The following HPCAL1 variants were observed in gnomAD, a reference collection of about 807,000 sequenced individuals.
The protein encoded by HPCAL1 is hippocalcin like 1, also known as hippocalcin-like protein 1.
HPCAL1 carries 8 observed loss-of-function variants against 17.1 expected under a neutral mutation model. The observed-to-expected ratio is 0.47, with a 90% CI of 0.27 to 0.84. The LOEUF is 0.84. Ranked by LOEUF, HPCAL1 falls within the 40% of genes least tolerant of loss-of-function variation. The probability of loss-of-function intolerance (pLI) is 0.13; values close to 1 mark genes in which losing one functional copy is unlikely to be tolerated. For missense variants in HPCAL1, 165 were observed against 271.1 expected (o/e 0.61, Z 2.75); for synonymous variants, 112 against 111.4 (o/e 1.01, Z -0.03).
At chr2:10,397,883 G>A (rs926175050) in intron 2 of HPCAL1, among the ~76,000 whole-genome samples, 1 of 152,198 alleles carries the variant, frequency 6.6e-6, no homozygotes, top group Non-Finnish European at 1.5e-5. Context: ...GTGTAATTCT[G>A]GCTGTGCCTC....
chr2:10,316,132 G>A (rs1306528478), intron 1 of HPCAL1, among the ~76,000 whole-genome samples: 1 of 152,160 alleles, frequency 6.6e-6, no homozygotes, highest in Non-Finnish European at 1.5e-5. Flanking sequence ...CGTTCACTTC[G>A]TTTGTTGACC....
intron 1 of HPCAL1, among the ~76,000 whole-genome samples, chr2:10,360,293 C>T (rs1666440345): frequency 6.6e-6 from 1 of 152,224 alleles, no homozygotes; most frequent in South Asian, 2.1e-4. Flanking sequence ...CTTGGAGAGT[C>T]CCTGAGGTCC....
At chr2:10,334,724 T>C (rs6737972) in intron 1 of HPCAL1, among the ~76,000 whole-genome samples, 24,742 of 142,846 alleles carry the variant, frequency 0.17, 3,049 homozygotes, top group African/African-American at 0.3. Flanking sequence ...CTCGCTCTGT[T>C]ACCCAGGCTG....
At chr2:10,379,372 A>G (rs1394695551) in intron 1 of HPCAL1, among the ~76,000 whole-genome samples, 1 of 150,542 alleles carries the variant, frequency 6.6e-6, no homozygotes, top group Non-Finnish European at 1.5e-5. Context: ...GTGACACCCC[A>G]TGGGTGTGGC....
intron 1 of HPCAL1, among the ~76,000 whole-genome samples, chr2:10,328,092 G>A (rs1471527412): frequency 1.3e-5 from 2 of 152,226 alleles, no homozygotes; most frequent in African/African-American, 4.8e-5. Flanking sequence ...GACAGCCAAG[G>A]GGGACAGTGG....
chr2:10,351,205 A>G (rs924035931), intron 1 of HPCAL1, among the ~76,000 whole-genome samples: 1 of 152,246 alleles, frequency 6.6e-6, no homozygotes, highest in Non-Finnish European at 1.5e-5. Context: ...TATCCATACA[A>G]TGGAATATCA....
chr2:10,417,276 T>A (rs1670732621), intron 2 of HPCAL1, among the ~76,000 whole-genome samples: 1 of 151,918 alleles, frequency 6.6e-6, no homozygotes, highest in Non-Finnish European at 1.5e-5. Context: ...GGCACAAGAA[T>A]CGCTTGAACC....
intron 1 of HPCAL1, among the ~76,000 whole-genome samples, chr2:10,389,057 A>C (rs1040392505): frequency 2.6e-5 from 4 of 152,172 alleles, no homozygotes; most frequent in Non-Finnish European, 1.5e-5. Context: ...GACCAAATTG[A>C]GGACTAGCTA....
intron 1 of HPCAL1, among the ~76,000 whole-genome samples, chr2:10,386,971 C>T (rs1668355138): frequency 6.6e-6 from 1 of 152,194 alleles, no homozygotes; most frequent in Non-Finnish European, 1.5e-5. Context: ...AGGGAGTGGC[C>T]AGTGGGAGAA....
intron 1 of HPCAL1, among the ~76,000 whole-genome samples, chr2:10,337,498 C>G (rs551757932): frequency 3.9e-4 from 59 of 152,276 alleles, no homozygotes; most frequent in African/African-American, 1.3e-3. Flanking sequence ...GTGACTATAA[C>G]AGCATATCTA....
At chr2:10,404,795 T>G (rs911934713) in intron 2 of HPCAL1, among the ~76,000 whole-genome samples, 1 of 152,206 alleles carries the variant, frequency 6.6e-6, no homozygotes, top group African/African-American at 2.4e-5. Context: ...TGGATGTGTC[T>G]AGGCCACCGT....
chr2:10,344,353 A>AG lies in HPCAL1; in HGVS notation c.-111+41182dup, dbSNP rs1180335955. ...TGCCTGAGCAGGCCATGTGCCAGCA[A>AG]GGGGGGCCCCGAAGTGCCGCTAGGT... On this transcript the variant is annotated intron_variant, in intron 1 of 4. Transcript: ENST00000307845. This position sits in a 1 kb window ranked among gnomAD's most constrained non-coding sequence, Gnocchi z 4.9. Among the ~76,000 whole-genome samples the AG allele has an allele frequency of 2.6e-5, 4 of 152,174 alleles. No homozygotes were observed. Among genetic ancestry groups the AG allele is most frequent in the Admixed American group, 2.6e-4 (4 of 15,284 alleles).
chr2:10,338,413 G>A (rs1664853608), intron 1 of HPCAL1, among the ~76,000 whole-genome samples: 1 of 152,198 alleles, frequency 6.6e-6, no homozygotes, highest in East Asian at 1.9e-4. Context: ...GCTGTGTGGT[G>A]TTCAAATAGA....
chr2:10,426,666 C>G (rs2270306), intron 4 of HPCAL1, 58 bp from the exon 5 acceptor site: 375,210 of 1,390,258 alleles, frequency 0.27, 53,524 homozygotes, highest in Non-Finnish European at 0.3. Flanking sequence ...CCCATCCTCT[C>G]TGGAAGCATA....
rs36002921 is a variant in HPCAL1 at position 10,410,436 on chromosome 2, C to CTTTTTTTTTTTTTTTTTT, written c.-24-9290_-24-9273dup. 3.5e-4 allele frequency among the ~76,000 whole-genome samples: 27 copies of CTTTTTTTTTTTTTTTTTT among 77,480 alleles called. 1 individual carries two copies. The highest frequency in any genetic ancestry group is 4.3e-4 in the East Asian group (1 of 2,320). The allele number at this position is 77,480 out of a possible 152,430, so 50.8% of individuals were successfully genotyped here. The stretch of plus-strand genomic sequence containing the variant: ...CCTTGTTCCTCTTTTTCTTCTTCTT[C>CTTTTTTTTTTTTTTTTTT]TTTTTTTTTTTTTTTTTTTTTTTTT... On this transcript the variant is annotated intron_variant, in intron 2 of 4. Coordinates refer to ENST00000307845, the MANE Select transcript of HPCAL1 (RefSeq NM_002149.4).
At position 10,344,971 on chromosome 2, in the gene HPCAL1, C is replaced by T. The variant is rs1318130165; in HGVS notation, c.-111+41794C>T. On this transcript the variant is annotated intron_variant, in intron 1 of 4. Transcript: ENST00000307845. This position sits in a 1 kb window ranked among gnomAD's most constrained non-coding sequence, Gnocchi z 4.9. ...TGCCTCTCTCTATGTGTCCATCTCT[C>T]TCTCTTTTTCTGTGTGTCTCTCTCT... Among the ~76,000 whole-genome samples the T allele has an allele frequency of 6.6e-6, 1 of 151,944 alleles. No homozygotes were observed. The highest frequency in any genetic ancestry group is 1.5e-5 in the Non-Finnish European group (1 of 67,958).
intron 3 of HPCAL1, among the ~76,000 whole-genome samples, chr2:10,420,911 C>G (rs1445286392): frequency 6.6e-6 from 1 of 152,152 alleles, no homozygotes; most frequent in Non-Finnish European, 1.5e-5. Context: ...CAGGTATGTG[C>G]CACCGCAGCC....
chr2:10,427,107 A>T lies in HPCAL1; in HGVS notation c.*286A>T. The T allele has an allele frequency of 2.4e-6, 1 of 422,742 alleles. No homozygotes were observed. Among genetic ancestry groups the T allele is most frequent in the Non-Finnish European group, 4.4e-6 (1 of 228,034 alleles). 26.2% of individuals were successfully genotyped at this position (422,742 alleles called of 1,614,324 possible). A position where few individuals can be genotyped will look rare whatever the true frequency, so the allele number is the denominator to read the frequency against. On this transcript the variant is annotated 3_prime_UTR_variant, in exon 5 of 5. Coordinates refer to ENST00000307845, the MANE Select transcript of HPCAL1 (RefSeq NM_002149.4). ...TCCAGGCACCTCCCGGCTCACGGGG[A>T]GCTCAGAGGTCCATGCCGAGGAGAC...
At chr2:10,345,315 G>C (rs1001440405) in intron 1 of HPCAL1, among the ~76,000 whole-genome samples, 2 of 152,124 alleles carry the variant, frequency 1.3e-5, no homozygotes, top group African/African-American at 2.4e-5. Flanking sequence ...CCACTTGCTA[G>C]CTGGGTGACC....
Sources: gnomAD v4.1 joint callset for allele counts (sites outside exome capture counted in the v4.1 genomes callset) on GRCh38, gnomAD v4.1.1 for gene constraint, Gnocchi (gnomAD v3.1) non-coding constraint, MANE v1.5 for transcripts, NCBI Gene and HGNC (gene_info 2026-07-23, HGNC 2026-07-21) for gene names.